Variants in PTPRN2 observed in about 807,000 individuals in gnomAD.
PTPRN2 encodes protein tyrosine phosphatase receptor type N2.
A neutral mutation model predicts 118.8 loss-of-function variants in PTPRN2; 74 were observed. The ratio of observed to expected loss-of-function variants is 0.62; its 90% CI spans 0.52 to 0.76. The LOEUF (loss-of-function observed/expected upper bound fraction) is 0.76. PTPRN2 is among the 30% of genes least tolerant of loss of function. PTPRN2 has a pLI of 0.00. For missense variants in PTPRN2, 1,481 were observed against 1,394.4 expected (o/e 1.06, Z -0.99); for synonymous variants, 641 against 608.0 (o/e 1.05, Z -0.80).
chr7:158,276,042 A>G (rs1476013714), intron 3 of PTPRN2, among the ~76,000 whole-genome samples: 2 of 152,130 alleles, frequency 1.3e-5, no homozygotes, highest in African/African-American at 4.8e-5. Context: ...TTTTATCTGC[A>G]CAAATCCTAC....
intron 3 of PTPRN2, among the ~76,000 whole-genome samples, chr7:158,244,038 G>A (rs913436635): frequency 6.6e-6 from 1 of 152,018 alleles, no homozygotes; most frequent in African/African-American, 2.4e-5. Context: ...CTCCCACCCC[G>A]AGTCACTGAC....
chr7:158,036,456 T>C (rs547772285), intron 11 of PTPRN2, among the ~76,000 whole-genome samples: 193 of 152,336 alleles, frequency 1.3e-3, no homozygotes, highest in South Asian at 5.8e-3. Context: ...CACAATTTAC[T>C]TTATGAGATG....
chr7:157,599,907 C>G (rs1585088613), intron 16 of PTPRN2, among the ~76,000 whole-genome samples: 1 of 111,282 alleles, frequency 9.0e-6, no homozygotes, highest in Non-Finnish European at 1.8e-5. Flanking sequence ...CCACCTGCCC[C>G]TCTCCACCTG....
At chr7:157,955,767 C>T (rs1279816079) in intron 11 of PTPRN2, among the ~76,000 whole-genome samples, 3 of 152,226 alleles carry the variant, frequency 2.0e-5, no homozygotes, top group African/African-American at 7.2e-5. Flanking sequence ...TTTGCCTGGG[C>T]TCTGCATTCC....
chr7:158,075,583 G>A (rs989400530), intron 11 of PTPRN2, among the ~76,000 whole-genome samples: 3 of 152,206 alleles, frequency 2.0e-5, no homozygotes, highest in African/African-American at 4.8e-5. Context: ...ACCGGCCCAC[G>A]CTTCCCACGC....
At chr7:158,201,533 T>C (rs994224131) in intron 4 of PTPRN2, among the ~76,000 whole-genome samples, 2 of 152,328 alleles carry the variant, frequency 1.3e-5, no homozygotes, top group South Asian at 2.1e-4. Context: ...CCACATTCTA[T>C]AGGGATCTAC....
chr7:158,334,618 C>T (rs566588345), intron 2 of PTPRN2, among the ~76,000 whole-genome samples: 30 of 101,590 alleles, frequency 3.0e-4, no homozygotes, highest in African/African-American at 1.1e-3. Flanking sequence ...GAGCCGACGC[C>T]CGCAGACGTC....
chr7:157,725,300 C>G (rs867095640), intron 12 of PTPRN2, among the ~76,000 whole-genome samples: 1 of 119,904 alleles, frequency 8.3e-6, no homozygotes, highest in Non-Finnish European at 1.6e-5. Context: ...GATACCTACA[C>G]CCAGAGGAGT....
At chr7:157,575,952 C>G (rs184193973) in intron 19 of PTPRN2, among the ~76,000 whole-genome samples, 151 of 152,238 alleles carry the variant, frequency 9.9e-4, no homozygotes, top group Non-Finnish European at 1.7e-3. Flanking sequence ...CAATGCGGAC[C>G]GACTGTTTAC....
intron 12 of PTPRN2, among the ~76,000 whole-genome samples, chr7:157,775,133 G>A (rs528647366): frequency 5.9e-5 from 9 of 152,288 alleles, no homozygotes; most frequent in African/African-American, 1.9e-4. Context: ...GAACAGTCTC[G>A]GAACGCCTCA....
chr7:158,228,200 C>T (rs1406678632), intron 3 of PTPRN2, among the ~76,000 whole-genome samples: 1 of 152,128 alleles, frequency 6.6e-6, no homozygotes, highest in Non-Finnish European at 1.5e-5. Flanking sequence ...AACAGTGTGA[C>T]AATCAACTTA....
intron 12 of PTPRN2, among the ~76,000 whole-genome samples, chr7:157,817,610 T>C (rs1376445759): frequency 2.0e-5 from 3 of 152,200 alleles, no homozygotes; most frequent in African/African-American, 7.2e-5. Flanking sequence ...TGAGAGGACC[T>C]GTCGACCAGG....
chr7:158,396,522 C>G (rs1812520975), intron 2 of PTPRN2, among the ~76,000 whole-genome samples: 1 of 152,002 alleles, frequency 6.6e-6, no homozygotes. Flanking sequence ...TGCTCCCCTC[C>G]TCGCCGAGTG....
intron 12 of PTPRN2, among the ~76,000 whole-genome samples, chr7:157,700,302 GC>G (rs1798001195): frequency 6.6e-6 from 1 of 152,272 alleles, no homozygotes; most frequent in Middle Eastern, 3.4e-3. Flanking sequence ...AAAGAGTAGT[GC>G]CCCAGACATG....
At chr7:157,579,975 GC>G (rs1800262281) in intron 17 of PTPRN2, among the ~76,000 whole-genome samples, 1 of 152,310 alleles carries the variant, frequency 6.6e-6, no homozygotes, top group South Asian at 2.1e-4. Context: ...TCAACAGCGC[GC>G]CTGACCAGAT....
rs138507130 is a variant in PTPRN2, at chr7:158,508,952, C to T, written c.113-19167G>A. On this transcript the variant is annotated intron_variant, in intron 1 of 22. Coordinates refer to ENST00000389418, the MANE Select transcript of PTPRN2 (RefSeq NM_002847.5). ...TCTGCTCCTGTGGGTGTCAGGGCAA[C>T]GTGGGATGCTCAGGAGGGGGCCTCA... Among the ~76,000 whole-genome samples, 70 of 151,820 alleles carry T rather than the reference C, an allele frequency of 4.6e-4. 1 individual carries two copies. The highest frequency in any genetic ancestry group is 7.5e-4 in the Non-Finnish European group (51 of 67,978).
At chr7:158,447,450 G>A (rs1286208312) in intron 2 of PTPRN2, among the ~76,000 whole-genome samples, 1 of 152,154 alleles carries the variant, frequency 6.6e-6, no homozygotes, top group East Asian at 1.9e-4. Flanking sequence ...AGGCCCTGAC[G>A]GACTCAGGCC....
At chr7:158,311,165 C>CCAG (rs1563117523) in intron 3 of PTPRN2, among the ~76,000 whole-genome samples, 1 of 152,216 alleles carries the variant, frequency 6.6e-6, no homozygotes, top group East Asian at 1.9e-4. Context: ...AAGCACGTCC[C>CCAG]CAGCAGCAGC....
intron 12 of PTPRN2, among the ~76,000 whole-genome samples, chr7:157,791,646 T>C (rs551213613): frequency 6.4e-4 from 97 of 151,782 alleles, no homozygotes; most frequent in African/African-American, 2.2e-3. Context: ...CATCCACACG[T>C]CTCCTAGTCA....
Sources: gnomAD v4.1 joint callset for allele counts (sites outside exome capture counted in the v4.1 genomes callset) on GRCh38, gnomAD v4.1.1 for gene constraint, MANE v1.5 for transcripts, NCBI Gene and HGNC (gene_info 2026-07-23, HGNC 2026-07-21) for gene names.